Variants in NTM observed in about 807,000 individuals in gnomAD.
The protein encoded by NTM is neurotrimin.
In NTM, 13 loss-of-function variants were observed where a neutral mutation model predicts 42.1. That is an observed-to-expected ratio of 0.31 (90% CI 0.20 to 0.49). The LOEUF (loss-of-function observed/expected upper bound fraction) is 0.49, where lower values mean the gene tolerates loss of function less well. Among genes scored for constraint, NTM ranks in the 20% least tolerant of loss-of-function variants. The pLI is 0.99. For missense variants in NTM, 373 were observed against 452.8 expected, an observed-to-expected ratio of 0.82 and a Z score of 1.60; for synonymous variants, 187 against 179.2, an observed-to-expected ratio of 1.04 and a Z score of -0.35.
intron 1 of NTM, among the ~76,000 whole-genome samples, chr11:131,416,881 C>T (rs1365088747): frequency 6.6e-6 from 1 of 152,144 alleles, no homozygotes; most frequent in Non-Finnish European, 1.5e-5. Flanking sequence ...AAATGTTGTT[C>T]TCATTATATC....
intron 3 of NTM, among the ~76,000 whole-genome samples, chr11:132,191,457 T>C (rs2079314747): frequency 6.6e-6 from 1 of 152,210 alleles, no homozygotes; most frequent in South Asian, 2.1e-4. Context: ...ATGAAGCCAT[T>C]TGACTATACC....
At chr11:131,939,462 C>T (rs1027764642) in intron 2 of NTM, among the ~76,000 whole-genome samples, 1 of 151,970 alleles carries the variant, frequency 6.6e-6, no homozygotes, top group Non-Finnish European at 1.5e-5. Flanking sequence ...TAAATCAAGT[C>T]AAAATAATTG....
chr11:132,317,301 G>A (rs571369086), intron 7 of NTM, among the ~76,000 whole-genome samples: 5 of 151,174 alleles, frequency 3.3e-5, no homozygotes, highest in African/African-American at 1.2e-4. Flanking sequence ...TGGGGGTGGG[G>A]AAGTGGGAAA....
chr11:132,260,913 C>T (rs1397129422), intron 4 of NTM, among the ~76,000 whole-genome samples: 1 of 152,128 alleles, frequency 6.6e-6, no homozygotes, highest in Non-Finnish European at 1.5e-5. Flanking sequence ...TCCTGAGCAC[C>T]ACTTGTAGAC....
chr11:131,986,736 G>T (rs1295654143), intron 2 of NTM, among the ~76,000 whole-genome samples: 2 of 152,174 alleles, frequency 1.3e-5, no homozygotes, highest in African/African-American at 2.4e-5. Flanking sequence ...GAGGGCCAGA[G>T]ATTTTTACAG....
At chr11:131,624,082 G>C (rs1157798036) in intron 1 of NTM, among the ~76,000 whole-genome samples, 3 of 152,204 alleles carry the variant, frequency 2.0e-5, no homozygotes, top group East Asian at 1.9e-4. Context: ...CTTGTACTCT[G>C]TGCAGAGGCT....
Position 132,335,674 on chromosome 11 carries a change from G to GAA in NTM, c.*529_*530insAA, listed in dbSNP as rs2095866997. On this transcript the variant is annotated 3_prime_UTR_variant, in exon 9 of 9. Transcript: ENST00000683400. ...AAGAAAGAAAAAGGAAACAAAATAA[G>GAA]ACCGTCTGACAGCAACAACGGTCCC... is the stretch of plus-strand genomic sequence containing the variant. 1 of 151,998 alleles carries GAA rather than the reference G, an allele frequency of 6.6e-6. No homozygotes were observed. Among genetic ancestry groups the GAA allele is most frequent in the Non-Finnish European group, 1.5e-5 (1 of 67,988 alleles). 9.4% of individuals were successfully genotyped at this position (151,998 alleles called of 1,614,324 possible). A position where few individuals can be genotyped will look rare whatever the true frequency, so the allele number is the denominator to read the frequency against.
intron 1 of NTM, among the ~76,000 whole-genome samples, chr11:131,515,250 C>T (rs971368829): frequency 6.6e-6 from 1 of 151,798 alleles, no homozygotes; most frequent in Non-Finnish European, 1.5e-5. Context: ...TACCAAGAAT[C>T]AGAACCACTT....
chr11:131,933,907 G>A (rs1018315571), intron 2 of NTM, among the ~76,000 whole-genome samples: 1 of 151,044 alleles, frequency 6.6e-6, no homozygotes, highest in African/African-American at 2.5e-5. Flanking sequence ...TTTACAAAGT[G>A]CCCTACATAT....
At chr11:131,461,311 C>T (rs987117693) in intron 1 of NTM, among the ~76,000 whole-genome samples, 3 of 152,148 alleles carry the variant, frequency 2.0e-5, no homozygotes, top group African/African-American at 4.8e-5. Flanking sequence ...CATAGAGATA[C>T]AGAAATCTCA....
chr11:132,159,953 C>T (rs778615157), intron 3 of NTM, among the ~76,000 whole-genome samples: 3 of 152,168 alleles, frequency 2.0e-5, no homozygotes, highest in African/African-American at 2.4e-5. Flanking sequence ...TTTCTAATTA[C>T]GGTGTGGCTT....
At chr11:132,075,999 T>A (rs2058314301) in intron 2 of NTM, among the ~76,000 whole-genome samples, 2 of 152,314 alleles carry the variant, frequency 1.3e-5, no homozygotes, top group East Asian at 1.9e-4. Flanking sequence ...TTTCATCATT[T>A]ATTTTTTTTA....
At chr11:131,645,347 T>G (rs901904737) in intron 1 of NTM, among the ~76,000 whole-genome samples, 5 of 152,164 alleles carry the variant, frequency 3.3e-5, no homozygotes, top group Admixed American at 2.6e-4. Context: ...TTCCCAGCCT[T>G]TCTGCAATGC....
At chr11:131,597,676 T>G (rs771041337) in intron 1 of NTM, among the ~76,000 whole-genome samples, 17 of 152,146 alleles carry the variant, frequency 1.1e-4, no homozygotes, top group African/African-American at 2.4e-5. Context: ...AAATCACCCC[T>G]TTTCAGGTGC....
chr11:132,183,527 A>G (rs948065748), intron 3 of NTM, among the ~76,000 whole-genome samples: 2 of 152,038 alleles, frequency 1.3e-5, no homozygotes, highest in African/African-American at 4.8e-5. Context: ...CAAATTTGCA[A>G]TCACCATTAA....
At chr11:132,199,186 T>A (rs1400985583) in intron 3 of NTM, among the ~76,000 whole-genome samples, 1 of 152,134 alleles carries the variant, frequency 6.6e-6, no homozygotes, top group Non-Finnish European at 1.5e-5. Flanking sequence ...TAAAAGATCA[T>A]GAAACATCAG....
intron 1 of NTM, among the ~76,000 whole-genome samples, chr11:131,497,663 A>T (rs1044269976): frequency 3.3e-5 from 5 of 152,212 alleles, no homozygotes; most frequent in Admixed American, 1.3e-4. Context: ...AAAATTCAAG[A>T]GGGAGAAAAT....
At chr11:131,998,163 A>C (rs1019257394) in intron 2 of NTM, among the ~76,000 whole-genome samples, 1 of 152,104 alleles carries the variant, frequency 6.6e-6, no homozygotes, top group Non-Finnish European at 1.5e-5. Context: ...AAAAGTCCTG[A>C]CAGGAGTCAT....
intron 8 of NTM, 69 bp from the exon 9 acceptor site, chr11:132,334,977 C>G (rs2095859970): frequency 1.3e-6 from 2 of 1,576,426 alleles, no homozygotes; most frequent in Admixed American, 1.7e-5. Context: ...TGACAGCAGA[C>G]CAGGCAACCA....
Sources: gnomAD v4.1 joint callset for allele counts (sites outside exome capture counted in the v4.1 genomes callset) on GRCh38, gnomAD v4.1.1 for gene constraint, MANE v1.5 for transcripts, NCBI Gene and HGNC (gene_info 2026-07-23, HGNC 2026-07-21) for gene names.